COL22A1: variants seen among roughly 807,000 people sequenced by gnomAD.
COL22A1 encodes the protein collagen type XXII alpha 1 chain, also known as collagen alpha-1(XXII) chain.
Under a neutral mutation model 248.9 loss-of-function variants are expected in COL22A1, and 221 were observed. That is an observed-to-expected ratio of 0.89 (90% CI 0.80 to 0.99). COL22A1 has a LOEUF of 0.99. COL22A1 is among the 50% of genes least tolerant of loss of function. The pLI is 0.00. For synonymous variants in COL22A1, 891 were observed against 793.4 expected (o/e 1.12, Z -2.07); for missense variants, 2,240 against 2,179.0 (o/e 1.03, Z -0.56).
intron 1 of COL22A1, among the ~76,000 whole-genome samples, chr8:138,906,226 C>T (rs1047452341): frequency 4.6e-5 from 7 of 152,048 alleles, no homozygotes; most frequent in African/African-American, 1.2e-4. Context: ...AAAAATTAGC[C>T]AGGCATGGTG....
At chr8:138,859,208 G>A (rs991699615) in intron 3 of COL22A1, among the ~76,000 whole-genome samples, 10 of 152,212 alleles carry the variant, frequency 6.6e-5, no homozygotes, top group African/African-American at 2.4e-4. Context: ...TGTGGTCTGT[G>A]TCCAAACTCA....
rs75162222 is a variant in COL22A1 at position 138,601,618 on chromosome 8, C to A, written c.4185+497G>T. 1.6e-3 allele frequency among the ~76,000 whole-genome samples: 248 copies of A among 152,314 alleles called. 1 individual carries two copies. Among genetic ancestry groups the A allele is most frequent in the Middle Eastern group, 0.014 (4 of 294 alleles). On this transcript the variant is annotated intron_variant, in intron 60 of 64. Transcript: ENST00000303045. ...CAGAAGAAAAAAAAGAAAAAAAAGT[C>A]TTTTCCCCTCTTGTTTTTTGGAGAA...
chr8:138,799,876 C>T (rs971925580), intron 11 of COL22A1, among the ~76,000 whole-genome samples: 6 of 152,170 alleles, frequency 3.9e-5, no homozygotes, highest in African/African-American at 1.4e-4. Flanking sequence ...TGTTTTCCCC[C>T]TGGTTCTTTC....
Position 138,684,443 on chromosome 8 carries a change from AG to A in COL22A1, c.2993del (p.Pro998LeufsTer4). 1 of 1,611,538 alleles carries A rather than the reference AG, an allele frequency of 6.2e-7. No homozygotes were observed. Among genetic ancestry groups the A allele is most frequent in the South Asian group, 1.1e-5 (1 of 91,024 alleles). On this transcript the variant is annotated frameshift_variant, in exon 39 of 65. Transcript: ENST00000303045. LOFTEE classifies it high-confidence loss of function. ...EPGLRGSPGL[P>X]GPLGTKAACG... ...CACTCACCTTGGTTCCTAGGGGTCC[AG>A]GGAGTCCAGGTGATCCACGGAGTCC...
At position 138,811,938 on chromosome 8, in the gene COL22A1, G is replaced by T; in HGVS notation, c.1327-17C>A. The T allele has an allele frequency of 6.5e-7, 1 of 1,531,634 alleles. No individual in the cohort carries two copies. 94.9% of individuals were successfully genotyped at this position (1,531,634 alleles called of 1,614,324 possible). A position where few individuals can be genotyped will look rare whatever the true frequency, so the allele number is the denominator to read the frequency against. ...CACCTGGCACTGGAAGGAAAGCCCA[G>T]GAGGTCAGAACCTGGCTCTTCACTC... On this transcript the variant is annotated splice_polypyrimidine_tract_variant and intron_variant, in intron 8 of 64. Transcript: ENST00000303045.
intron 41 of COL22A1, among the ~76,000 whole-genome samples, chr8:138,671,449 T>C (rs935485121): frequency 6.6e-6 from 1 of 152,218 alleles, no homozygotes. Context: ...CACCTCCTGT[T>C]GCGATTGTGG....
chr8:138,872,758 T>C (rs1222198883), intron 3 of COL22A1, among the ~76,000 whole-genome samples: 1 of 152,132 alleles, frequency 6.6e-6, no homozygotes, highest in Non-Finnish European at 1.5e-5. Context: ...CCTGAATGTG[T>C]CCAAAGCCAA....
intron 10 of COL22A1, among the ~76,000 whole-genome samples, chr8:138,806,121 TAGGTAATG>T (rs1817676161): frequency 8.4e-6 from 1 of 118,972 alleles, no homozygotes; most frequent in Non-Finnish European, 1.8e-5. Flanking sequence ...TGTGATGGTG[TAGGTAATG>T]GTGTGTGGTG....
intron 1 of COL22A1, among the ~76,000 whole-genome samples, chr8:138,909,767 C>T (rs1815304590): frequency 6.6e-6 from 1 of 152,144 alleles, no homozygotes; most frequent in African/African-American, 2.4e-5. Flanking sequence ...AATGGGCTGG[C>T]AGGGCCACCC....
intron 32 of COL22A1, among the ~76,000 whole-genome samples, chr8:138,697,696 G>A (rs72729640): frequency 0.01 from 1,586 of 152,160 alleles, 16 homozygotes; most frequent in Middle Eastern, 0.034. Flanking sequence ...TTCATTATGC[G>A]GCAGACCTTA....
intron 11 of COL22A1, among the ~76,000 whole-genome samples, chr8:138,801,317 T>C (rs776292178): frequency 2.0e-5 from 3 of 152,152 alleles, no homozygotes; most frequent in Admixed American, 6.5e-5. Flanking sequence ...GATGAGACTA[T>C]GTCAAAAGTT....
intron 23 of COL22A1, among the ~76,000 whole-genome samples, chr8:138,727,590 T>A (rs1830412494): frequency 6.6e-6 from 1 of 152,088 alleles, no homozygotes; most frequent in Admixed American, 6.5e-5. Context: ...ATGGCAGAGG[T>A]GGCCGCATCG....
chr8:138,616,838 G>C, intron 54 of COL22A1, 76 bp downstream of exon 54: 1 of 1,551,414 alleles, frequency 6.4e-7, no homozygotes, highest in South Asian at 1.1e-5. Context: ...TGGCCTGCAG[G>C]CTGCAAGTAT....
chr8:138,625,535 TG>T (rs1360787851), intron 51 of COL22A1, among the ~76,000 whole-genome samples: 3 of 152,192 alleles, frequency 2.0e-5, no homozygotes, highest in Non-Finnish European at 4.4e-5. Flanking sequence ...GGATATTAAA[TG>T]GAAAAGTTCA....
chr8:138,634,875 ACT>A, intron 49 of COL22A1, 133 bp downstream of exon 49: 3 of 708,924 alleles, frequency 4.2e-6, no homozygotes, highest in Non-Finnish European at 7.3e-6. Context: ...TTTTAGGACA[ACT>A]CTGTCACCTT....
chr8:138,696,062 G>A (rs1827481042), intron 32 of COL22A1, among the ~76,000 whole-genome samples: 1 of 152,160 alleles, frequency 6.6e-6, no homozygotes, highest in South Asian at 2.1e-4. Context: ...AAATAAAGAG[G>A]TGGTCCCCTT....
At chr8:138,747,308 G>T (rs1017288811) in intron 22 of COL22A1, among the ~76,000 whole-genome samples, 1 of 152,214 alleles carries the variant, frequency 6.6e-6, no homozygotes, top group Non-Finnish European at 1.5e-5. Context: ...CTACTTTTGT[G>T]TATGATCTTT....
chr8:138,681,201 C>T (rs1020457198), intron 39 of COL22A1, among the ~76,000 whole-genome samples: 1 of 152,162 alleles, frequency 6.6e-6, no homozygotes, highest in East Asian at 1.9e-4. Context: ...TAATAAGGAT[C>T]ATGAATATTT....
intron 41 of COL22A1, among the ~76,000 whole-genome samples, chr8:138,675,877 T>C (rs897237325): frequency 4.6e-5 from 7 of 152,156 alleles, no homozygotes; most frequent in Admixed American, 6.5e-5. Context: ...CCATTATCTA[T>C]GGAAATATAT....
Sources: allele counts gnomAD v4.1 joint callset (sites outside exome capture counted in the v4.1 genomes callset), GRCh38; gene constraint gnomAD v4.1.1; transcripts MANE v1.5; gene names NCBI Gene and HGNC (gene_info 2026-07-23, HGNC 2026-07-21).